PTPRG: variants seen among roughly 807,000 people sequenced by gnomAD.
The protein encoded by PTPRG is protein tyrosine phosphatase receptor type G, also known as receptor-type tyrosine-protein phosphatase gamma.
PTPRG carries 102 observed loss-of-function variants against 165.3 expected under a neutral mutation model. The ratio of observed to expected loss-of-function variants is 0.62; its 90% CI spans 0.53 to 0.73. PTPRG has a LOEUF of 0.73. Among genes scored for constraint, PTPRG ranks in the 30% least tolerant of loss-of-function variants. The pLI, the probability that PTPRG is intolerant of heterozygous loss-of-function variation, is 0.00. For synonymous variants in PTPRG, 675 were observed against 669.5 expected (o/e 1.01, Z -0.13); for missense variants, 1,866 against 1,861.4 (o/e 1.00, Z -0.05).
At chr3:62,106,992 A>G (rs1702495788) in intron 5 of PTPRG, among the ~76,000 whole-genome samples, 1 of 152,194 alleles carries the variant, frequency 6.6e-6, no homozygotes, top group African/African-American at 2.4e-5. Context: ...TTCACTGGCA[A>G]TATAAGTGTC....
intron 2 of PTPRG, among the ~76,000 whole-genome samples, chr3:61,973,513 A>G (rs985718444): frequency 2.8e-4 from 43 of 152,148 alleles, no homozygotes; most frequent in Non-Finnish European, 1.8e-4. Context: ...CATCTTGCCA[A>G]ATAGGACTCT....
intron 3 of PTPRG, among the ~76,000 whole-genome samples, chr3:61,998,525 G>A (rs543464809): frequency 2.0e-5 from 3 of 152,276 alleles, no homozygotes; most frequent in Non-Finnish European, 2.9e-5. Flanking sequence ...TAACTTTCTC[G>A]TAAGTGGACA....
chr3:62,002,955 A>G (rs2041209661), intron 3 of PTPRG, among the ~76,000 whole-genome samples: 1 of 152,168 alleles, frequency 6.6e-6, no homozygotes, highest in Non-Finnish European at 1.5e-5. Context: ...CCAGACCTTG[A>G]ATCTTGGGGT....
intron 2 of PTPRG, among the ~76,000 whole-genome samples, chr3:61,855,207 G>A (rs1424469135): frequency 6.6e-6 from 1 of 152,164 alleles, no homozygotes; most frequent in Non-Finnish European, 1.5e-5. Context: ...CCACCTGTAA[G>A]GTAAAAGTAA....
At chr3:61,676,184 A>G (rs974058862) in intron 1 of PTPRG, among the ~76,000 whole-genome samples, 2 of 152,114 alleles carry the variant, frequency 1.3e-5, no homozygotes, top group African/African-American at 2.4e-5. Context: ...CTAGGCGGGC[A>G]CAGTGGCTCA....
chr3:62,292,723 G>C, intron 29 of PTPRG, 167 bp downstream of exon 29: 1 of 702,648 alleles, frequency 1.4e-6, no homozygotes, highest in South Asian at 1.9e-5. Context: ...GGCATCTAGA[G>C]GATACAAGCC....
At chr3:61,643,623 T>C (rs1371532971) in intron 1 of PTPRG, among the ~76,000 whole-genome samples, 1 of 151,946 alleles carries the variant, frequency 6.6e-6, no homozygotes, top group African/African-American at 2.4e-5. Context: ...CTACTAAAAA[T>C]ACAAAAATTA....
intron 6 of PTPRG, among the ~76,000 whole-genome samples, chr3:62,149,021 C>A (rs185961620): frequency 6.6e-6 from 1 of 152,226 alleles, no homozygotes; most frequent in East Asian, 1.9e-4. Flanking sequence ...CTCGATTTCC[C>A]CATCACCCAA....
intron 19 of PTPRG, among the ~76,000 whole-genome samples, chr3:62,268,769 A>T (rs1249625277): frequency 2.0e-5 from 3 of 152,164 alleles, no homozygotes; most frequent in Non-Finnish European, 2.9e-5. Context: ...AATGCATTAT[A>T]ATGCAAAAAT....
intron 4 of PTPRG, among the ~76,000 whole-genome samples, chr3:62,060,540 G>A (rs1013561017): frequency 1.3e-5 from 2 of 152,312 alleles, no homozygotes; most frequent in Middle Eastern, 3.4e-3. Flanking sequence ...ACTCACAGTT[G>A]CACTTACAGC....
rs1472722825 is a variant in PTPRG at position 62,224,585 on chromosome 3, A to G, written c.2288+5602A>G. Among the ~76,000 whole-genome samples, 3 of 152,216 alleles carry G rather than the reference A, an allele frequency of 2.0e-5. No individual in the cohort carries two copies. The highest frequency in any genetic ancestry group is 7.2e-5 in the African/African-American group (3 of 41,450). On this transcript the variant is annotated intron_variant, in intron 13 of 29. Coordinates refer to ENST00000474889, the MANE Select transcript of PTPRG (RefSeq NM_002841.4). This position sits in a 1 kb window ranked among gnomAD's most constrained non-coding sequence, Gnocchi z 4.9. ...ACAGTATTCTTAAATATTTAAACCCATTGGTATCATTGAATTATGTATATG... is the reference window on the plus strand; with the variant it reads ...ACAGTATTCTTAAATATTTAAACCCGTTGGTATCATTGAATTATGTATATG...
intron 4 of PTPRG, among the ~76,000 whole-genome samples, chr3:62,011,717 A>G (rs1275410159): frequency 1.3e-5 from 2 of 152,190 alleles, no homozygotes; most frequent in Non-Finnish European, 2.9e-5. Flanking sequence ...GTACTTAGAG[A>G]ATACTCAGTG....
chr3:62,148,413 A>C (rs575138175), intron 6 of PTPRG, among the ~76,000 whole-genome samples: 3 of 152,274 alleles, frequency 2.0e-5, no homozygotes, highest in Admixed American at 6.5e-5. Context: ...ATGAACCAAG[A>C]AGCCACTGGA....
chr3:61,728,351 G>C (rs2032346221), intron 1 of PTPRG, among the ~76,000 whole-genome samples: 1 of 152,162 alleles, frequency 6.6e-6, no homozygotes, highest in African/African-American at 2.4e-5. Context: ...GAAGGCTGAG[G>C]TAGGAGAATC....
chr3:62,117,100 G>A (rs890152802), intron 5 of PTPRG, among the ~76,000 whole-genome samples: 1 of 152,292 alleles, frequency 6.6e-6, no homozygotes, highest in East Asian at 1.9e-4. Context: ...CGTGTACCCT[G>A]AGACTTCTGC....
chr3:61,681,077 A>AC (rs869186185), intron 1 of PTPRG, among the ~76,000 whole-genome samples: 1 of 143,292 alleles, frequency 7.0e-6, no homozygotes, highest in Non-Finnish European at 1.5e-5. Flanking sequence ...AAAAAAAAAA[A>AC]GAAGAAGAAA....
At chr3:62,281,542 T>TTTTTTTTTTTTTTTTTTTTTTTTTTG in intron 26 of PTPRG, 21 bp from the exon 27 acceptor site, 1 of 1,340,676 alleles carries the variant, frequency 7.5e-7, no homozygotes, top group South Asian at 1.4e-5. Flanking sequence ...CAGAGGCTTT[T>TTTTTTTTTTTTTTTTTTTTTTTTTTG]TTTTTTTTTG....
At chr3:62,051,051 G>T (rs569570307) in intron 4 of PTPRG, among the ~76,000 whole-genome samples, 1 of 152,244 alleles carries the variant, frequency 6.6e-6, no homozygotes, top group African/African-American at 2.4e-5. Context: ...ACTAAGTGGC[G>T]GTCAAGTCAA....
intron 4 of PTPRG, among the ~76,000 whole-genome samples, chr3:62,074,420 C>T (rs1848417): frequency 1.4e-5 from 2 of 143,442 alleles, no homozygotes; most frequent in Non-Finnish European, 3.0e-5. Flanking sequence ...CAGTGGAGCC[C>T]TCAGTAGCCT....
Sources: gnomAD v4.1 joint callset for allele counts (sites outside exome capture counted in the v4.1 genomes callset) on GRCh38, gnomAD v4.1.1 for gene constraint, Gnocchi (gnomAD v3.1) non-coding constraint, MANE v1.5 for transcripts, NCBI Gene and HGNC (gene_info 2026-07-23, HGNC 2026-07-21) for gene names.